Variants in ACTR3C observed in about 807,000 individuals in gnomAD.
ACTR3C encodes actin-related protein 3C.
A neutral mutation model predicts 26.3 loss-of-function variants in ACTR3C; 18 were observed. The ratio of observed to expected loss-of-function variants is 0.68; its 90% confidence interval spans 0.47 to 1.01. The LOEUF (loss-of-function observed/expected upper bound fraction) is 1.01, where lower values mean the gene tolerates loss of function less well. Ranked by LOEUF, ACTR3C falls within the 50% of genes least tolerant of loss-of-function variation. The probability of loss-of-function intolerance (pLI) is 0.00; values close to 1 mark genes in which losing one functional copy is unlikely to be tolerated. For missense variants in ACTR3C, 184 were observed against 250.7 expected (o/e 0.73, Z 1.80); for synonymous variants, 55 against 94.5 (o/e 0.58, Z 2.42).
chr7:150,114,422 T>C, the ACTR3C span, among the ~76,000 whole-genome samples: 3 of 151,964 alleles, frequency 2.0e-5, no homozygotes, highest in Admixed American at 2.0e-4. Context: ...GTGTATCCAA[T>C]TTGGGGCCTG....
At chr7:149,919,079 G>C in the ACTR3C span, among the ~76,000 whole-genome samples, 5 of 152,182 alleles carry the variant, frequency 3.3e-5, no homozygotes, top group Non-Finnish European at 7.3e-5. Context: ...TGCACCCACA[G>C]TTAACTGGCA....
At chr7:150,177,185 T>C in the ACTR3C span, among the ~76,000 whole-genome samples, 2 of 150,866 alleles carry the variant, frequency 1.3e-5, no homozygotes, top group Non-Finnish European at 2.9e-5. Context: ...AGTTAGTTAC[T>C]GAAATTATTC....
the ACTR3C span, among the ~76,000 whole-genome samples, chr7:150,089,081 A>G: frequency 6.6e-6 from 1 of 152,288 alleles, no homozygotes; most frequent in Middle Eastern, 3.4e-3. Context: ...CTTGTCTTGG[A>G]TGTTATGTTC....
chr7:149,983,449 G>GTGTGTGTGTATATATATATATATATATA, the ACTR3C span, among the ~76,000 whole-genome samples: 2 of 23,326 alleles, frequency 8.6e-5, no homozygotes, highest in Non-Finnish European at 1.6e-4. Context: ...GTGTGTGTGT[G>GTGTGTGTGTATATATATATATATATATA]TATATATATA....
At chr7:150,088,694 T>C in the ACTR3C span, among the ~76,000 whole-genome samples, 1 of 152,228 alleles carries the variant, frequency 6.6e-6, no homozygotes, top group Non-Finnish European at 1.5e-5. Flanking sequence ...TGTTCTATCA[T>C]TTTGTACAGT....
At chr7:150,012,326 T>TTC in the ACTR3C span, among the ~76,000 whole-genome samples, 1 of 143,916 alleles carries the variant, frequency 6.9e-6, no homozygotes, top group Non-Finnish European at 1.5e-5. Context: ...TCTTTTTTTT[T>TTC]TTTTTTGAGA....
chr7:150,149,737 A>G, the ACTR3C span, among the ~76,000 whole-genome samples: 1 of 152,040 alleles, frequency 6.6e-6, no homozygotes, highest in Non-Finnish European at 1.5e-5. Flanking sequence ...TTTTAAATGC[A>G]ATACAGTGAC....
chr7:150,001,031 T>C, the ACTR3C span: 1 of 152,280 alleles, frequency 6.6e-6, no homozygotes, highest in African/African-American at 2.4e-5. Flanking sequence ...CCAAGAAAAA[T>C]GGCAGCGCCA....
the ACTR3C span, among the ~76,000 whole-genome samples, chr7:150,204,176 C>T: frequency 0.011 from 1,692 of 147,380 alleles, 56 homozygotes; most frequent in African/African-American, 0.041. Context: ...GAGCCTGAAA[C>T]GGGTGCTTTG....
the ACTR3C span, among the ~76,000 whole-genome samples, chr7:150,023,134 C>G: frequency 1.6e-5 from 2 of 122,180 alleles, no homozygotes; most frequent in African/African-American, 5.9e-5. Context: ...TATCTATATA[C>G]ATATATATAG....
chr7:149,945,112 G>T, the ACTR3C span, among the ~76,000 whole-genome samples: 1 of 151,954 alleles, frequency 6.6e-6, no homozygotes, highest in Non-Finnish European at 1.5e-5. Context: ...AGGCGGGGCT[G>T]TGGGGATTAT....
the ACTR3C span, among the ~76,000 whole-genome samples, chr7:150,183,543 G>A: frequency 3.3e-5 from 5 of 149,462 alleles, no homozygotes; most frequent in Non-Finnish European, 5.9e-5. Flanking sequence ...CAAAATAACT[G>A]TATGAATTAC....
chr7:150,077,965 G>T, the ACTR3C span, among the ~76,000 whole-genome samples: 1 of 152,246 alleles, frequency 6.6e-6, no homozygotes, highest in Admixed American at 6.5e-5. Context: ...CAATTCAGCT[G>T]CAACCCCAAC....
chr7:150,076,835 C>T, the ACTR3C span, among the ~76,000 whole-genome samples: 17 of 152,032 alleles, frequency 1.1e-4, no homozygotes, highest in Admixed American at 7.9e-4. Context: ...TTTTTGGAGG[C>T]GTGTAGGTCT....
At chr7:150,151,079 G>T in the ACTR3C span, among the ~76,000 whole-genome samples, 1 of 100,676 alleles carries the variant, frequency 9.9e-6, no homozygotes, top group African/African-American at 3.8e-5. Context: ...TTATTTTTTG[G>T]CTTTTATTGC....
At chr7:150,195,049 G>A in the ACTR3C span, among the ~76,000 whole-genome samples, 17 of 151,518 alleles carry the variant, frequency 1.1e-4, no homozygotes, top group South Asian at 2.1e-4. Flanking sequence ...AGCCAAGATC[G>A]TGCCACTAGA....
the ACTR3C span, among the ~76,000 whole-genome samples, chr7:149,981,894 C>A: frequency 6.6e-6 from 1 of 152,260 alleles, no homozygotes; most frequent in Non-Finnish European, 1.5e-5. Context: ...CAGCACAGAA[C>A]ATCGGCCGAT....
the ACTR3C span, among the ~76,000 whole-genome samples, chr7:149,965,625 G>A: frequency 8.5e-5 from 13 of 152,320 alleles, no homozygotes; most frequent in African/African-American, 2.9e-4. Flanking sequence ...ACGGGTCCAG[G>A]ATGTCATCAG....
chr7:149,898,807 C>A, the ACTR3C span, among the ~76,000 whole-genome samples: 1 of 152,186 alleles, frequency 6.6e-6, no homozygotes, highest in Admixed American at 6.5e-5. Flanking sequence ...CAGGAAGCAA[C>A]TGTATCCATA....
Sources: gnomAD v4.1 joint callset for allele counts (sites outside exome capture counted in the v4.1 genomes callset) on GRCh38, gnomAD v4.1.1 for gene constraint, MANE v1.5 for transcripts, NCBI Gene and HGNC (gene_info 2026-07-23, HGNC 2026-07-21) for gene names.